Variants in GDAP1L1 observed in about 807,000 individuals in gnomAD.
The protein encoded by GDAP1L1 is ganglioside-induced differentiation-associated protein 1-like 1.
In GDAP1L1, 21 loss-of-function variants were observed where a neutral mutation model predicts 37.1. The ratio of observed to expected loss-of-function variants is 0.57; its 90% CI spans 0.40 to 0.81. The LOEUF (loss-of-function observed/expected upper bound fraction) is 0.81, where lower values mean the gene tolerates loss of function less well. Among genes scored for constraint, GDAP1L1 ranks in the 40% least tolerant of loss-of-function variants. The pLI, the probability that GDAP1L1 is intolerant of heterozygous loss-of-function variation, is 0.00. For synonymous variants in GDAP1L1, 193 were observed against 209.1 expected (o/e 0.92, Z 0.67); for missense variants, 362 against 491.6 (o/e 0.74, Z 2.49).
At chr20:44,270,417 G>C (rs972351218) in intron 5 of GDAP1L1, among the ~76,000 whole-genome samples, 2 of 152,028 alleles carry the variant, frequency 1.3e-5, no homozygotes, top group Non-Finnish European at 2.9e-5. Flanking sequence ...TGATCCACCC[G>C]CCTCGGCCTC....
Position 44,280,029 on chromosome 20 carries a change from C to T in GDAP1L1, c.*729C>T. On this transcript the variant is annotated 3_prime_UTR_variant, in exon 6 of 6. Transcript: ENST00000342560. ...TCTTCCTACCTTGAGTTTTTCTACC[C>T]TGTGAGGTGGGACTTTCAGTAAAAG... 1 of 334,084 alleles carries T rather than the reference C, an allele frequency of 3.0e-6. No individual in the cohort carries two copies. Among genetic ancestry groups the T allele is most frequent in the Non-Finnish European group, 5.9e-6 (1 of 170,292 alleles). The allele number at this position is 334,084 out of a possible 1,614,324, so 20.7% of individuals were successfully genotyped here. A position where few individuals can be genotyped will look rare whatever the true frequency, so the allele number is the denominator to read the frequency against.
intron 3 of GDAP1L1, among the ~76,000 whole-genome samples, chr20:44,261,675 C>T (rs530519606): frequency 1.9e-3 from 286 of 152,294 alleles, no homozygotes; most frequent in Middle Eastern, 6.8e-3. Flanking sequence ...GACTCAAGCC[C>T]AGGAGGGCTC....
At chr20:44,267,907 T>C (rs992945785) in intron 5 of GDAP1L1, among the ~76,000 whole-genome samples, 1 of 152,234 alleles carries the variant, frequency 6.6e-6, no homozygotes, top group Non-Finnish European at 1.5e-5. Flanking sequence ...AGCATTGCAC[T>C]GTCCCATGGT....
intron 5 of GDAP1L1, among the ~76,000 whole-genome samples, chr20:44,265,907 T>C (rs960888517): frequency 1.2e-4 from 18 of 152,342 alleles, no homozygotes; most frequent in Admixed American, 4.6e-4. Flanking sequence ...CAAGACCTTA[T>C]GTCCCGAACA....
At chr20:44,273,454 T>G (rs1332671691) in intron 5 of GDAP1L1, among the ~76,000 whole-genome samples, 1 of 152,202 alleles carries the variant, frequency 6.6e-6, no homozygotes, top group East Asian at 1.9e-4. Context: ...ATCCTTTCAC[T>G]GTCCGTCACT....
Position 44,253,159 on chromosome 20 carries a change from C to T in GDAP1L1, c.181-3994C>T, listed in dbSNP as rs190455331. On this transcript the variant is annotated intron_variant, in intron 1 of 5. Transcript: ENST00000342560. Reference sequence around the variant, plus strand: ...CTGCTCTATTTTCTCTTTTTTTGGACGCACTCACCGTCTTTTGACAGACCA... The same window carrying T: ...CTGCTCTATTTTCTCTTTTTTTGGATGCACTCACCGTCTTTTGACAGACCA... Among the ~76,000 whole-genome samples, 11 of 152,250 alleles carry T rather than the reference C, an allele frequency of 7.2e-5. No homozygotes were observed. In the South Asian group the frequency reaches 1.0e-3, roughly 14 times the overall value.
At chr20:44,262,801 C>T (rs551132183) in intron 3 of GDAP1L1, among the ~76,000 whole-genome samples, 15 of 152,140 alleles carry the variant, frequency 9.9e-5, no homozygotes, top group African/African-American at 3.1e-4. Flanking sequence ...ACTGCAGCCT[C>T]GACCTCCCAG....
At chr20:44,262,048 G>A (rs920347053) in intron 3 of GDAP1L1, among the ~76,000 whole-genome samples, 1 of 152,150 alleles carries the variant, frequency 6.6e-6, no homozygotes, top group Non-Finnish European at 1.5e-5. Context: ...GTGAGAGGGA[G>A]GGCAAGTGGA....
At chr20:44,249,998 G>A (rs75714936) in intron 1 of GDAP1L1, among the ~76,000 whole-genome samples, 2,085 of 152,258 alleles carry the variant, frequency 0.014, 44 homozygotes, top group African/African-American at 0.047. Flanking sequence ...TAACTTCCTG[G>A]CATGTAGTAG....
At chr20:44,276,399 G>A (rs1467009323) in intron 5 of GDAP1L1, among the ~76,000 whole-genome samples, 16 of 44,078 alleles carry the variant, frequency 3.6e-4, no homozygotes, top group African/African-American at 1.4e-3. Flanking sequence ...AAAAGAAAGG[G>A]AAAGAAAAAA....
Position 44,263,475 on chromosome 20 carries a change from C to G in GDAP1L1, c.645+148C>G, listed in dbSNP as rs971803335. ...TTCCAATCCTGTCCCCTGCCATTTA[C>G]TAGCTGTTAGACCTGGGGTAAGCCA... is the stretch of plus-strand genomic sequence containing the variant. On this transcript the variant is annotated intron_variant, in intron 4 of 5. Transcript: ENST00000342560. 13 of 656,930 alleles carry G rather than the reference C, an allele frequency of 2.0e-5. No individual in the cohort carries two copies. In the East Asian group the frequency reaches 3.4e-4, roughly 17 times the overall value. 40.7% of individuals were successfully genotyped at this position (656,930 alleles called of 1,614,324 possible). A position where few individuals can be genotyped will look rare whatever the true frequency, so the allele number is the denominator to read the frequency against.
chr20:44,260,285 C>CAAAA (rs113753379), intron 3 of GDAP1L1, among the ~76,000 whole-genome samples: 1,761 of 110,126 alleles, frequency 0.016, 38 homozygotes, highest in African/African-American at 0.05. Flanking sequence ...AAGTGAAGGG[C>CAAAA]AAAAAAAAAA....
At chr20:44,277,215 C>G (rs746312779) in intron 5 of GDAP1L1, among the ~76,000 whole-genome samples, 1 of 151,916 alleles carries the variant, frequency 6.6e-6, no homozygotes, top group Non-Finnish European at 1.5e-5. Context: ...AGTAGAGCCA[C>G]CCCGGCCTCC....
At chr20:44,250,534 A>C (rs920666539) in intron 1 of GDAP1L1, among the ~76,000 whole-genome samples, 2 of 152,212 alleles carry the variant, frequency 1.3e-5, no homozygotes, top group Admixed American at 6.5e-5. Context: ...TGCCATTCCC[A>C]GCTATGTGAC....
At chr20:44,272,782 A>T (rs543296795) in intron 5 of GDAP1L1, among the ~76,000 whole-genome samples, 18 of 152,348 alleles carry the variant, frequency 1.2e-4, no homozygotes, top group Non-Finnish European at 1.9e-4. Context: ...ATAATAGTGA[A>T]CATGTCTGAG....
chr20:44,255,658 G>A (rs1377814152), intron 1 of GDAP1L1, among the ~76,000 whole-genome samples: 1 of 151,098 alleles, frequency 6.6e-6, no homozygotes, highest in Non-Finnish European at 1.5e-5. Context: ...TGCCCATGAC[G>A]CTGCATTGCC....
intron 2 of GDAP1L1, 188 bp from the exon 3 acceptor site, chr20:44,258,246 G>T: frequency 1.4e-6 from 1 of 727,282 alleles, no homozygotes; most frequent in Non-Finnish European, 2.5e-6. Flanking sequence ...GGACAGCTTG[G>T]CAGAGCCCAG....
intron 5 of GDAP1L1, among the ~76,000 whole-genome samples, chr20:44,277,188 C>T (rs1193603197): frequency 2.6e-5 from 4 of 152,078 alleles, no homozygotes; most frequent in Admixed American, 6.5e-5. Context: ...CCATGCCTGG[C>T]TAATTTTTGT....
intron 5 of GDAP1L1, among the ~76,000 whole-genome samples, chr20:44,270,362 G>A (rs957894059): frequency 6.6e-6 from 1 of 151,748 alleles, no homozygotes; most frequent in African/African-American, 2.4e-5. Context: ...AGTAGAGACG[G>A]GGTTTCACCG....
Sources: allele counts gnomAD v4.1 joint callset (sites outside exome capture counted in the v4.1 genomes callset), GRCh38; gene constraint gnomAD v4.1.1; transcripts MANE v1.5; gene names NCBI Gene and HGNC (gene_info 2026-07-23, HGNC 2026-07-21).